Variants in ALG13 observed in about 807,000 individuals in gnomAD.
ALG13 encodes UDP-N-acetylglucosamine transferase subunit ALG13.
ALG13 carries 11 observed loss-of-function variants against 87.8 expected under a neutral mutation model. The ratio of observed to expected loss-of-function variants is 0.13; its 90% confidence interval spans 0.08 to 0.21. The LOEUF (loss-of-function observed/expected upper bound fraction) is 0.21. ALG13 is among the 10% of genes least tolerant of loss of function. ALG13 has a pLI of 1.00. For synonymous variants in ALG13, 320 were observed against 306.3 expected (o/e 1.04, Z -0.47); for missense variants, 756 against 866.1 (o/e 0.87, Z 1.60).
At chrX:111,736,692 G>C in intron 22 of ALG13, 22 bp from the exon 23 acceptor site, 1 of 1,198,505 alleles carries the variant, frequency 8.3e-7, no homozygotes, top group South Asian at 1.8e-5. Context: ...TAAGAGTTTT[G>C]AACTTTCTTC....
At chrX:111,749,161 T>C (rs777438405) in intron 24 of ALG13, among the ~76,000 whole-genome samples, 28 of 112,026 alleles carry the variant, frequency 2.5e-4, no homozygotes, top group Middle Eastern at 4.6e-3. Context: ...GATTGTTTCC[T>C]ATGTTTTCCT....
chrX:111,744,847 C>A lies in ALG13; in HGVS notation c.2875C>A (p.Pro959Thr), dbSNP rs778329557. The A allele has an allele frequency of 5.0e-6, 6 of 1,206,176 alleles. No individual in the cohort carries two copies. Among genetic ancestry groups the A allele is most frequent in the Non-Finnish European group, 6.7e-6 (6 of 893,515 alleles). ...AGAGACTTCAAACTTACAACCACCA[C>A]CACCACTACCACCTCCACCTTATTC... ...VGETSNLQPP[P>T]PLPPPPYSCD... Residue 959 changes from proline to threonine, a missense_variant, in exon 24 of 27, where the codon CCA becomes ACA. By Grantham distance (38) the Pro-to-Thr change is conservative. Around this residue, in one of 9 missense-constraint regions of ALG13, gnomAD observed 362 missense variants for 383.5 expected, o/e 0.94. Coordinates refer to ENST00000394780, the MANE Select transcript of ALG13 (RefSeq NM_001099922.3).
At position 111,681,611 on chromosome X, in the gene ALG13, C is replaced by A. The variant is rs765926553; in HGVS notation, c.81+312C>A. 1,689 of 948,989 alleles carry A rather than the reference C, an allele frequency of 1.8e-3. 6 individuals are homozygous for A. The highest frequency in any genetic ancestry group is 2.1e-3 in the Non-Finnish European group (1,599 of 760,963). The allele number at this position is 948,989 out of a possible 1,213,427, so 78.2% of individuals were successfully genotyped here. Reference sequence around the variant, plus strand: ...GCCTCCGCGTCCTCCGCCCCTCCTTCCAACGGCTCCGCCCCTCCGAGCTCG... The same window carrying A: ...GCCTCCGCGTCCTCCGCCCCTCCTTACAACGGCTCCGCCCCTCCGAGCTCG... On this transcript the variant is annotated intron_variant, in intron 1 of 26. Coordinates refer to ENST00000394780, the MANE Select transcript of ALG13 (RefSeq NM_001099922.3).
chrX:111,693,237 A>G (rs1936448745), intron 3 of ALG13, among the ~76,000 whole-genome samples: 1 of 101,728 alleles, frequency 9.8e-6, no homozygotes, highest in South Asian at 4.7e-4. Context: ...TCAAACAGGA[A>G]TGTAGAATAC....
In ALG13 at chrX:111,727,699, A is replaced by G; in HGVS notation, c.2176A>G (p.Arg726Gly). ...GFTPGNGQMP[R>G]GLEETITFYE... ...TACCCCAGGGAATGGACAGATGCCC[A>G]GGGGCTTGGAAGAAACTATTACTTT... The change falls in exon 18 of 27, where the codon AGG (arginine) becomes GGG (glycine). Residue 726 changes from arginine (R) to glycine (G), a missense_variant. By Grantham distance (125) the Arg-to-Gly change is moderately radical. Coordinates refer to ENST00000394780, the MANE Select transcript of ALG13 (RefSeq NM_001099922.3). The G allele has an allele frequency of 8.3e-7, 1 of 1,209,197 alleles. No individual in the cohort carries two copies. Among genetic ancestry groups the G allele is most frequent in the Non-Finnish European group, 1.1e-6 (1 of 893,776 alleles).
At chrX:111,748,601 T>A (rs943097616) in intron 24 of ALG13, among the ~76,000 whole-genome samples, 1 of 111,958 alleles carries the variant, frequency 8.9e-6, no homozygotes, top group Non-Finnish European at 1.9e-5. Flanking sequence ...TTTTATTGGG[T>A]GCTTGTTATT....
chrX:111,704,444 C>G (rs891771301), intron 3 of ALG13, among the ~76,000 whole-genome samples: 2 of 111,885 alleles, frequency 1.8e-5, no homozygotes, highest in Non-Finnish European at 3.8e-5. Flanking sequence ...AAAGTGGAAA[C>G]AACCCAAATT....
chrX:111,747,418 A>G (rs1944340975), intron 24 of ALG13, among the ~76,000 whole-genome samples: 2 of 112,204 alleles, frequency 1.8e-5, no homozygotes. Flanking sequence ...CCATTCACCT[A>G]CTGAATAACA....
At chrX:111,705,195 G>A (rs1938516329) in intron 3 of ALG13, among the ~76,000 whole-genome samples, 1 of 111,976 alleles carries the variant, frequency 8.9e-6, no homozygotes, top group Non-Finnish European at 1.9e-5. Flanking sequence ...ATGTAATGAT[G>A]TCTTATTGTG....
rs1464192716 is a variant in ALG13 at position 111,695,511 on chromosome X, GAAACTCTGTTTAAAA to G, written c.383+10412_383+10426del. Among the ~76,000 whole-genome samples, 9 of 104,464 alleles carry G rather than the reference GAAACTCTGTTTAAAA, an allele frequency of 8.6e-5. No individual in the cohort carries two copies. The South Asian group carries it at 3.5e-3, about 41-fold the overall frequency. The allele number at this position is 104,464 out of a possible 115,157, so 90.7% of individuals were successfully genotyped here. On this transcript the variant is annotated intron_variant, in intron 3 of 26. Transcript: ENST00000394780. Reference sequence around the variant, plus strand: ...GCACTCCAGTCTGGGCAACAAGAGCGAAACTCTGTTTAAAAAAAAAAAAAAAACAAACCCTCAGTG... The same window carrying G: ...GCACTCCAGTCTGGGCAACAAGAGCGAAAAAAAAAAAACAAACCCTCAGTG...
At position 111,759,825 on chromosome X, in the gene ALG13, A is replaced by G. The variant is rs773452673; in HGVS notation, c.3240A>G (p.Pro1080=). 4.6e-5 allele frequency: 56 copies of G among 1,208,796 alleles called. No homozygotes were observed. Among genetic ancestry groups the G allele is most frequent in the Middle Eastern group, 4.6e-4 (2 of 4,372 alleles). The change falls in exon 27 of 27, where the codon CCA becomes CCG. Residue 1080 remains proline, a synonymous_variant. Transcript: ENST00000394780. ...MSDPYGQPPL[P]GFDSCLPVVP... ...ATCCCTATGGGCAGCCACCTTTGCC[A>G]GGTTTTGACTCCTGCCTTCCGGTTG... is the stretch of plus-strand genomic sequence containing the variant.
intron 5 of ALG13, among the ~76,000 whole-genome samples, chrX:111,710,317 GC>G (rs1939531627): frequency 9.0e-6 from 1 of 111,550 alleles, no homozygotes; most frequent in African/African-American, 3.3e-5. Flanking sequence ...ACAAGTGTGA[GC>G]CACTGCGTGC....
intron 3 of ALG13, chrX:111,706,508 G>A (rs1180333841): frequency 1.8e-5 from 2 of 112,110 alleles, no homozygotes; most frequent in Non-Finnish European, 3.8e-5. Flanking sequence ...TCTAATTCCA[G>A]CACATTGTGA....
At position 111,708,268 on chromosome X, in the gene ALG13, A is replaced by G. The variant is rs1447505694; in HGVS notation, c.625A>G (p.Lys209Glu). The G allele has an allele frequency of 1.7e-6, 2 of 1,211,813 alleles. No individual in the cohort carries two copies. Among genetic ancestry groups the G allele is most frequent in the Non-Finnish European group, 2.2e-6 (2 of 895,463 alleles). ...PTLYKMHKGW[K>E]NYCSQKSLNE... is the part of the protein sequence containing the mutation. ...CCTGTACAAAATGCATAAAGGATGGAAAAACTACTGCAGCCAGAAGTCTTT... is the reference window on the plus strand; with the variant it reads ...CCTGTACAAAATGCATAAAGGATGGGAAAACTACTGCAGCCAGAAGTCTTT... The change falls in exon 4 of 27, where the codon AAA becomes GAA. Residue 209 changes from lysine to glutamate, a missense_variant. By Grantham distance (56) the Lys-to-Glu change is moderately conservative (BLOSUM62 1). Around this residue, in one of 9 missense-constraint regions of ALG13, gnomAD observed 153 missense variants for 168.7 expected, o/e 0.91. Transcript: ENST00000394780.
intron 23 of ALG13, chrX:111,737,114 C>T: frequency 3.7e-6 from 1 of 271,984 alleles, no homozygotes; most frequent in East Asian, 5.9e-5. Context: ...TTGCTACCTG[C>T]TGAATTAGGG....
intron 24 of ALG13, among the ~76,000 whole-genome samples, chrX:111,747,211 T>C (rs978648086): frequency 8.9e-6 from 1 of 112,054 alleles, no homozygotes; most frequent in Non-Finnish European, 1.9e-5. Context: ...ACCCCAGAAA[T>C]CTGTGCTCTG....
intron 22 of ALG13, among the ~76,000 whole-genome samples, chrX:111,736,174 G>A (rs1007342907): frequency 8.1e-5 from 9 of 111,021 alleles, no homozygotes; most frequent in Non-Finnish European, 5.7e-5. Flanking sequence ...GTGGTGGTGC[G>A]TGACTGTAGT....
chrX:111,759,804 C>G lies in ALG13; in HGVS notation c.3219C>G (p.Pro1073=). 3 of 1,208,198 alleles carry G rather than the reference C, an allele frequency of 2.5e-6. No individual in the cohort carries two copies. Among genetic ancestry groups the G allele is most frequent in the Non-Finnish European group, 2.2e-6 (2 of 894,409 alleles). Residue 1073 remains proline, a synonymous_variant, in exon 27 of 27, where the codon CCC becomes CCG. Transcript: ENST00000394780. ...TCTATTATCCAGTAATGTCAGATCC[C>G]TATGGGCAGCCACCTTTGCCAGGTT... ...GAVYYPVMSD[P]YGQPPLPGFD...
intron 25 of ALG13, among the ~76,000 whole-genome samples, chrX:111,753,877 G>T (rs141868108): frequency 1.8e-5 from 2 of 111,633 alleles, no homozygotes; most frequent in African/African-American, 6.5e-5. Flanking sequence ...CCTTCTGAAC[G>T]ATTCCAATCA....
Sources: allele counts gnomAD v4.1 joint callset (sites outside exome capture counted in the v4.1 genomes callset), GRCh38; gene constraint gnomAD v4.1.1; regional missense constraint gnomAD v4.1.1; transcripts MANE v1.5; gene names NCBI Gene and HGNC (gene_info 2026-07-23, HGNC 2026-07-21).